ANK2: variants seen among roughly 807,000 people sequenced by gnomAD.
ANK2 encodes the protein ankyrin 2.
Under a neutral mutation model 360.5 loss-of-function variants are expected in ANK2, and 83 were observed. The observed-to-expected ratio is 0.23, with a 90% CI of 0.19 to 0.28. The LOEUF (loss-of-function observed/expected upper bound fraction) is 0.28, where lower values mean the gene tolerates loss of function less well. ANK2 is among the 10% of genes least tolerant of loss of function. The pLI is 1.00. For synonymous variants in ANK2, 1,740 were observed against 1,759.5 expected (o/e 0.99, Z 0.28); for missense variants, 4,201 against 4,795.7 (o/e 0.88, Z 3.66).
At chr4:113,214,205 C>T in intron 4 of ANK2, 2 of 890,374 alleles carry the variant, frequency 2.2e-6, no homozygotes, top group Non-Finnish European at 3.7e-6. Context: ...GCTTGGGAAG[C>T]ACATAGGCAT....
intron 2 of ANK2, among the ~76,000 whole-genome samples, chr4:113,184,000 C>T (rs2098466093): frequency 6.7e-6 from 1 of 150,238 alleles, no homozygotes; most frequent in South Asian, 2.1e-4. Context: ...AATAGAGCTC[C>T]CCCAAGTTCG....
chr4:113,223,613 G>A (rs534725128), intron 4 of ANK2, among the ~76,000 whole-genome samples: 1 of 152,218 alleles, frequency 6.6e-6, no homozygotes, highest in East Asian at 1.9e-4. Context: ...AAATGTCTAA[G>A]ATATGAGTTT....
At chr4:112,829,575 G>T (rs2149644968) in intron 1 of ANK2, among the ~76,000 whole-genome samples, 1 of 149,526 alleles carries the variant, frequency 6.7e-6, no homozygotes, top group Admixed American at 6.7e-5. Flanking sequence ...ACAGGCATAT[G>T]AAAAAAATTC....
chr4:113,106,218 T>G (rs1388542927), intron 1 of ANK2, among the ~76,000 whole-genome samples: 1 of 152,158 alleles, frequency 6.6e-6, no homozygotes, highest in Admixed American at 6.5e-5. Context: ...GACTTTTAAA[T>G]CCTCAAATAG....
intron 2 of ANK2, among the ~76,000 whole-genome samples, chr4:113,180,975 G>A (rs1006100278): frequency 1.3e-5 from 2 of 152,172 alleles, no homozygotes; most frequent in East Asian, 3.8e-4. Context: ...TCTATACTGG[G>A]TAGTGCTGAT....
chr4:112,919,364 A>C lies in ANK2; in HGVS notation c.21+14850A>C, dbSNP rs1207560232. On this transcript the variant is annotated intron_variant, in intron 2 of 30. Coordinates refer to the ANK2 transcript ENST00000503271. ...TAACTATTTTTTAATGTATGTAAAA[A>C]CAAGCATTATTTTAAATTAAAAACT... Among the ~76,000 whole-genome samples the C allele has an allele frequency of 4.6e-5, 7 of 152,138 alleles. 1 individual carries two copies.
chr4:113,361,738 C>G (rs946102382), intron 39 of ANK2, among the ~76,000 whole-genome samples: 15 of 152,078 alleles, frequency 9.9e-5, no homozygotes, highest in African/African-American at 2.9e-4. Context: ...TTCTTACATA[C>G]TGATCAGACT....
At chr4:113,163,831 C>T (rs966523912) in intron 1 of ANK2, among the ~76,000 whole-genome samples, 4 of 136,322 alleles carry the variant, frequency 2.9e-5, no homozygotes, top group Non-Finnish European at 6.2e-5. Context: ...CCATATCATA[C>T]AATTCACCCA....
chr4:113,145,555 T>C, intron 1 of ANK2: 1 of 1,003,118 alleles, frequency 1.0e-6, no homozygotes, highest in Non-Finnish European at 1.2e-6. Context: ...CCTCCCCTGC[T>C]CTCTGTCTGC....
intron 2 of ANK2, among the ~76,000 whole-genome samples, chr4:112,918,510 C>T (rs1015983218): frequency 6.6e-6 from 1 of 152,120 alleles, no homozygotes; most frequent in Non-Finnish European, 1.5e-5. Context: ...CATCCAAGTC[C>T]GGACACTAGT....
At chr4:113,009,711 T>A (rs981274389) in intron 2 of ANK2, among the ~76,000 whole-genome samples, 5 of 152,176 alleles carry the variant, frequency 3.3e-5, no homozygotes, top group African/African-American at 1.2e-4. Flanking sequence ...GGGAAAGGAT[T>A]TGGATTTCTC....
the ANK2 span, among the ~76,000 whole-genome samples, chr4:112,722,492 G>A: frequency 1.3e-5 from 2 of 152,156 alleles, no homozygotes; most frequent in Non-Finnish European, 2.9e-5. Flanking sequence ...GTTAGTCCCA[G>A]GATTGTTGGC....
At chr4:113,065,304 G>C (rs1292669784) in intron 1 of ANK2, among the ~76,000 whole-genome samples, 1 of 152,082 alleles carries the variant, frequency 6.6e-6, no homozygotes, top group Non-Finnish European at 1.5e-5. Flanking sequence ...GGAACATATA[G>C]ATATCACCTA....
Position 113,355,797 on chromosome 4 carries a change from A to G in ANK2, c.7179A>G (p.Thr2393=). Residue 2393 remains threonine, a synonymous_variant, in exon 38 of 46, where the codon ACA becomes ACG. Coordinates refer to ENST00000357077, the MANE Select transcript of ANK2 (RefSeq NM_001148.6). Reference sequence around the variant, plus strand: ...CTGAGGCTTCTGTAAAGACAGATACAGGAACTGAATCAAAACCTCAGGGAG... The same window carrying G: ...CTGAGGCTTCTGTAAAGACAGATACGGGAACTGAATCAAAACCTCAGGGAG... ...PLPEASVKTD[T]GTESKPQGVI... 3.7e-6 allele frequency: 6 copies of G among 1,614,130 alleles called. No individual in the cohort carries two copies. Among genetic ancestry groups the G allele is most frequent in the Non-Finnish European group, 5.1e-6 (6 of 1,179,974 alleles).
chr4:112,747,976 T>C, the ANK2 span, among the ~76,000 whole-genome samples: 1 of 152,200 alleles, frequency 6.6e-6, no homozygotes, highest in Non-Finnish European at 1.5e-5. Flanking sequence ...TTTCCATTGA[T>C]AAAAGGATTT....
At chr4:113,326,161 T>C (rs2089753275) in intron 26 of ANK2, among the ~76,000 whole-genome samples, 1 of 152,178 alleles carries the variant, frequency 6.6e-6, no homozygotes, top group Non-Finnish European at 1.5e-5. Context: ...TTATTTGCAG[T>C]TGTTTTTTAC....
At chr4:112,956,508 A>G (rs2095336021) in intron 2 of ANK2, among the ~76,000 whole-genome samples, 1 of 152,206 alleles carries the variant, frequency 6.6e-6, no homozygotes, top group African/African-American at 2.4e-5. Flanking sequence ...TGCCACATCC[A>G]ACAGTCGATC....
At chr4:112,970,867 A>G (rs1257065889) in intron 2 of ANK2, among the ~76,000 whole-genome samples, 2 of 152,162 alleles carry the variant, frequency 1.3e-5, no homozygotes, top group Non-Finnish European at 2.9e-5. Flanking sequence ...TAAAAAAATG[A>G]TAAGTATATG....
chr4:112,767,935 C>T, the ANK2 span, among the ~76,000 whole-genome samples: 1 of 152,084 alleles, frequency 6.6e-6, no homozygotes, highest in Non-Finnish European at 1.5e-5. Flanking sequence ...CCTCCCTCTG[C>T]CTTTTACTGG....
Sources: allele counts gnomAD v4.1 joint callset (sites outside exome capture counted in the v4.1 genomes callset), GRCh38; gene constraint gnomAD v4.1.1; transcripts MANE v1.5; gene names NCBI Gene and HGNC (gene_info 2026-07-23, HGNC 2026-07-21).